ANO3: variants seen among roughly 807,000 people sequenced by gnomAD.
ANO3 encodes anoctamin 3, also known as anoctamin-3.
ANO3 carries 99 observed loss-of-function variants against 144.8 expected under a neutral mutation model. The ratio of observed to expected loss-of-function variants is 0.68; its 90% CI spans 0.58 to 0.81. The LOEUF is 0.81. ANO3 is among the 30% of genes least tolerant of loss of function. ANO3 has a pLI of 0.00. For missense variants in ANO3, 905 were observed against 1,202.2 expected, an observed-to-expected ratio of 0.75 and a Z score of 3.66; for synonymous variants, 414 against 392.6, an observed-to-expected ratio of 1.05 and a Z score of -0.64.
chr11:26,502,608 CGTGTCTG>C (rs1226181608), intron 4 of ANO3, among the ~76,000 whole-genome samples: 1 of 152,036 alleles, frequency 6.6e-6, no homozygotes, highest in Non-Finnish European at 1.5e-5. Context: ...TATAACCTTC[CGTGTCTG>C]TTGGTACCTA....
chr11:26,190,237 G>A (rs1278150248), intron 1 of ANO3, among the ~76,000 whole-genome samples: 4 of 152,050 alleles, frequency 2.6e-5, no homozygotes, highest in African/African-American at 9.7e-5. Context: ...TACACAACAA[G>A]AGGATTCTTC....
intron 4 of ANO3, among the ~76,000 whole-genome samples, chr11:26,475,878 G>A (rs913804240): frequency 2.6e-5 from 4 of 152,010 alleles, no homozygotes; most frequent in African/African-American, 9.7e-5. Flanking sequence ...CAAAATGTGT[G>A]TGTTCCCTTC....
intron 4 of ANO3, among the ~76,000 whole-genome samples, chr11:26,489,625 C>T (rs1024016487): frequency 6.6e-6 from 1 of 152,310 alleles, no homozygotes. Flanking sequence ...GTGTACCCTG[C>T]AAAGCTACAG....
chr11:26,562,178 T>C (rs1850320342), intron 14 of ANO3, among the ~76,000 whole-genome samples: 1 of 151,940 alleles, frequency 6.6e-6, no homozygotes, highest in Non-Finnish European at 1.5e-5. Flanking sequence ...AAAACCACCG[T>C]TATAAATCCT....
chr11:26,389,418 GTAAC>G (rs1363524067), intron 1 of ANO3, among the ~76,000 whole-genome samples: 1 of 151,802 alleles, frequency 6.6e-6, no homozygotes, highest in Non-Finnish European at 1.5e-5. Context: ...CTATAACTAA[GTAAC>G]TAACTGAATG....
At chr11:26,563,543 CTT>C (rs1850389592) in intron 14 of ANO3, among the ~76,000 whole-genome samples, 1 of 151,822 alleles carries the variant, frequency 6.6e-6, no homozygotes, top group East Asian at 1.9e-4. Flanking sequence ...ATAGCCGTGT[CTT>C]GTGTCTTGTT....
intron 1 of ANO3, among the ~76,000 whole-genome samples, chr11:26,391,826 AC>A (rs1192135318): frequency 1.3e-5 from 2 of 152,102 alleles, no homozygotes; most frequent in Non-Finnish European, 2.9e-5. Flanking sequence ...AAACACTCAT[AC>A]ATTCTCTGTC....
intron 4 of ANO3, among the ~76,000 whole-genome samples, chr11:26,467,933 C>T (rs1313884365): frequency 6.6e-6 from 1 of 151,810 alleles, no homozygotes; most frequent in Non-Finnish European, 1.5e-5. Flanking sequence ...AAGCAAAGTT[C>T]TAGAGCAAAT....
intron 24 of ANO3, among the ~76,000 whole-genome samples, chr11:26,655,684 GAT>G (rs1853663801): frequency 6.6e-6 from 1 of 152,040 alleles, no homozygotes; most frequent in Non-Finnish European, 1.5e-5. Context: ...ATCAAGCATC[GAT>G]AATTTTTCCA....
chr11:26,415,056 A>ATGTTTGTG (rs1857541647), intron 1 of ANO3, among the ~76,000 whole-genome samples: 1 of 145,458 alleles, frequency 6.9e-6, no homozygotes, highest in African/African-American at 2.5e-5. Context: ...ATTGGTGTGT[A>ATGTTTGTG]TGTGTGTGTG....
intron 10 of ANO3, among the ~76,000 whole-genome samples, chr11:26,538,424 G>C (rs1292802864): frequency 6.6e-6 from 1 of 152,134 alleles, no homozygotes; most frequent in African/African-American, 2.4e-5. Flanking sequence ...CCTTGTGCAT[G>C]TATTTTCCCG....
intron 1 of ANO3, among the ~76,000 whole-genome samples, chr11:26,404,824 C>T (rs1857234697): frequency 6.6e-6 from 1 of 151,282 alleles, no homozygotes; most frequent in African/African-American, 2.4e-5. Flanking sequence ...AAAGGAAAAC[C>T]ATAAAATCCA....
intron 24 of ANO3, among the ~76,000 whole-genome samples, chr11:26,650,459 A>ATT (rs71449134): frequency 1.3e-5 from 2 of 151,950 alleles, no homozygotes; most frequent in South Asian, 4.2e-4. Flanking sequence ...AGTCGATGCG[A>ATT]TTTTTATACT....
At chr11:26,445,855 A>T (rs1858683004) in intron 3 of ANO3, among the ~76,000 whole-genome samples, 1 of 151,880 alleles carries the variant, frequency 6.6e-6, no homozygotes, top group Admixed American at 6.6e-5. Flanking sequence ...TTTTTGAGAC[A>T]GAGTGTTTCT....
In ANO3 at chr11:26,361,921, A is replaced by G. The variant is rs546475910; in HGVS notation, c.46+29600A>G. 1.8e-4 allele frequency among the ~76,000 whole-genome samples: 27 copies of G among 152,340 alleles called. No homozygotes were observed. In the South Asian group the frequency reaches 5.4e-3, roughly 30 times the overall value. On this transcript the variant is annotated intron_variant, in intron 1 of 26. Transcript: ENST00000256737. Reference sequence around the variant, plus strand: ...TTCAGAGATTTCTGATATTTATGTCATAATGACTGCACAGTTTCCAGTTCT... The same window carrying G: ...TTCAGAGATTTCTGATATTTATGTCGTAATGACTGCACAGTTTCCAGTTCT...
At chr11:26,377,385 C>G (rs1856442643) in intron 1 of ANO3, among the ~76,000 whole-genome samples, 1 of 151,926 alleles carries the variant, frequency 6.6e-6, no homozygotes, top group South Asian at 2.1e-4. Context: ...TGAAAAGGAA[C>G]CACATGAGCA....
At chr11:26,521,143 G>A (rs1862057065) in intron 6 of ANO3, among the ~76,000 whole-genome samples, 2 of 152,226 alleles carry the variant, frequency 1.3e-5, no homozygotes, top group African/African-American at 2.4e-5. Flanking sequence ...CATAAACTAA[G>A]TGGCAAATTA....
chr11:26,285,133 T>C (rs1184692257), intron 1 of ANO3, among the ~76,000 whole-genome samples: 2 of 152,208 alleles, frequency 1.3e-5, no homozygotes, highest in African/African-American at 4.8e-5. Flanking sequence ...TAGTATTTAC[T>C]GGTCACCCAC....
intron 1 of ANO3, among the ~76,000 whole-genome samples, chr11:26,355,674 C>T (rs1286896989): frequency 1.3e-5 from 2 of 152,002 alleles, no homozygotes; most frequent in East Asian, 3.9e-4. Context: ...ATTCTTCTGC[C>T]TCAGCCTCCC....
Sources: allele counts gnomAD v4.1 joint callset (sites outside exome capture counted in the v4.1 genomes callset), GRCh38; gene constraint gnomAD v4.1.1; transcripts MANE v1.5; gene names NCBI Gene and HGNC (gene_info 2026-07-23, HGNC 2026-07-21).